Variants in ARID1B observed in about 807,000 individuals in gnomAD.
The protein encoded by ARID1B is AT-rich interactive domain-containing protein 1B.
A neutral mutation model predicts 212.3 loss-of-function variants in ARID1B; 30 were observed. The ratio of observed to expected loss-of-function variants is 0.14; its 90% confidence interval spans 0.11 to 0.19. The LOEUF is 0.19. ARID1B is among the 10% of genes least tolerant of loss of function. ARID1B has a pLI of 1.00. For synonymous variants in ARID1B, 1,402 were observed against 1,301.7 expected (o/e 1.08, Z -1.66); for missense variants, 2,891 against 3,204.0 (o/e 0.90, Z 2.36).
intron 2 of ARID1B, among the ~76,000 whole-genome samples, chr6:156,855,972 T>C (rs990432100): frequency 2.0e-5 from 3 of 152,224 alleles, no homozygotes; most frequent in Non-Finnish European, 4.4e-5. Context: ...AATGTGGTTA[T>C]GTAGCCTACA....
intron 5 of ARID1B, among the ~76,000 whole-genome samples, chr6:157,085,211 A>C (rs954287124): frequency 2.0e-5 from 3 of 152,244 alleles, no homozygotes; most frequent in Admixed American, 6.5e-5. Context: ...ATTCTGTTAC[A>C]TCAGAGCTTC....
intron 5 of ARID1B, among the ~76,000 whole-genome samples, chr6:157,106,782 G>A (rs1353771795): frequency 6.6e-6 from 1 of 152,194 alleles, no homozygotes; most frequent in Admixed American, 6.5e-5. Flanking sequence ...GGGTGTGTCT[G>A]CCACAGTGAG....
intron 9 of ARID1B, chr6:157,173,039 C>G (rs913795986): frequency 6.6e-6 from 1 of 152,252 alleles, no homozygotes; most frequent in Non-Finnish European, 1.5e-5. Context: ...GTGCCTCACT[C>G]GCAGCCCCTG....
Position 156,778,909 on chromosome 6 carries a change from G to A in ARID1B, c.1229G>A (p.Gly410Glu). The A allele has an allele frequency of 7.4e-7, 1 of 1,352,970 alleles. No homozygotes were observed. The highest frequency in any genetic ancestry group is 9.5e-7 in the Non-Finnish European group (1 of 1,057,038). The allele number at this position is 1,352,970 out of a possible 1,614,324, so 83.8% of individuals were successfully genotyped here. ...GGCAGCGGAGGAGGAGGAGGAGGAG[G>A]AGGAGCAGGAGCAGGAGGAGCAGGA... is the stretch of plus-strand genomic sequence containing the variant. The part of the protein sequence containing the change: ...GGGSGGGGGG[G>E]GAGAGGAGAG... Residue 410 changes from glycine to glutamate, a missense_variant, in exon 1 of 20, where the codon GGA becomes GAA. By Grantham distance (98) the Gly-to-Glu change is moderately conservative. Transcript: ENST00000636930.
intron 4 of ARID1B, among the ~76,000 whole-genome samples, chr6:157,034,593 A>G (rs1470435830): frequency 2.0e-5 from 3 of 152,250 alleles, no homozygotes; most frequent in Non-Finnish European, 4.4e-5. Context: ...TCGGCCGGTA[A>G]GTTTAATGAC....
chr6:157,203,950 T>C lies in ARID1B; in HGVS notation c.5348T>C (p.Ile1783Thr). 2 of 1,614,192 alleles carry C rather than the reference T, an allele frequency of 1.2e-6. No homozygotes were observed. The highest frequency in any genetic ancestry group is 1.7e-6 in the Non-Finnish European group (2 of 1,180,012). ...ESTWALDTINILLYDDSTVAT... is the reference protein window; with the variant it reads ...ESTWALDTINTLLYDDSTVAT... Reference sequence around the variant, plus strand: ...ACGTGGGCTTTGGACACTATTAATATTCTTCTGTATGATGACAGCACTGTT... The same window carrying C: ...ACGTGGGCTTTGGACACTATTAATACTCTTCTGTATGATGACAGCACTGTT... Residue 1783 changes from isoleucine (I) to threonine (T), a missense_variant, in exon 19 of 20, where the codon ATT (isoleucine) becomes ACT (threonine). Physicochemically the swap from Ile to Thr is moderately conservative, Grantham distance 89 (BLOSUM62 -1). Coordinates refer to ENST00000636930, the MANE Select transcript of ARID1B (RefSeq NM_001374828.1). This position sits in a 1 kb window ranked among gnomAD's most constrained non-coding sequence, Gnocchi z 4.4.
rs2128338654 is a variant in ARID1B, at chr6:157,189,635, C to T, written c.3920-7C>T. On this transcript the variant is annotated splice_region_variant and splice_polypyrimidine_tract_variant and intron_variant, in intron 13 of 19. Transcript: ENST00000636930. ...CTTCCTGTTTCTCTTGGTGCTGCTA[C>T]TATCAGCTAACTCGGGATCCTTGCA... 6.3e-7 allele frequency: 1 copy of T among 1,598,702 alleles called. No homozygotes were observed. Among genetic ancestry groups the T allele is most frequent in the Non-Finnish European group, 8.5e-7 (1 of 1,176,572 alleles).
intron 5 of ARID1B, among the ~76,000 whole-genome samples, chr6:157,086,548 T>G (rs944091018): frequency 1.6e-4 from 24 of 152,224 alleles, no homozygotes; most frequent in African/African-American, 5.3e-4. Flanking sequence ...AAAACCTAAA[T>G]GAAAACTTTC....
intron 3 of ARID1B, among the ~76,000 whole-genome samples, chr6:156,931,124 T>G (rs201842144): frequency 7.1e-6 from 1 of 141,474 alleles, no homozygotes; most frequent in Non-Finnish European, 1.5e-5. Flanking sequence ...CGGGAGGCAG[T>G]GCTTGCAGGG....
At chr6:157,154,323 G>C (rs1790400400) in intron 8 of ARID1B, among the ~76,000 whole-genome samples, 2 of 152,158 alleles carry the variant, frequency 1.3e-5, no homozygotes, top group Admixed American at 6.5e-5. Context: ...ACTTGAGATT[G>C]TGTCAAAATT....
chr6:156,821,567 G>A (rs1011462610), intron 1 of ARID1B, among the ~76,000 whole-genome samples: 1 of 152,224 alleles, frequency 6.6e-6, no homozygotes, highest in East Asian at 1.9e-4. Context: ...ATCACTTACG[G>A]ACCCGTCAGG....
At chr6:156,819,667 T>A (rs1219014725) in intron 1 of ARID1B, among the ~76,000 whole-genome samples, 1 of 152,212 alleles carries the variant, frequency 6.6e-6, no homozygotes, top group Non-Finnish European at 1.5e-5. Context: ...TACTTGTTTT[T>A]CTCCTCTTCC....
chr6:157,132,865 G>C (rs1190103991), intron 6 of ARID1B, among the ~76,000 whole-genome samples, 163 bp from the exon 7 acceptor site: 1 of 152,192 alleles, frequency 6.6e-6, no homozygotes, highest in Non-Finnish European at 1.5e-5. Context: ...GCACCCTCCA[G>C]ACCGTCCACG....
At chr6:157,131,272 C>T (rs1788529014) in intron 6 of ARID1B, among the ~76,000 whole-genome samples, 1 of 152,164 alleles carries the variant, frequency 6.6e-6, no homozygotes, top group African/African-American at 2.4e-5. Flanking sequence ...GATTCTTGCC[C>T]TCATGGAGCT....
At chr6:156,944,990 T>C (rs1792967341) in intron 4 of ARID1B, among the ~76,000 whole-genome samples, 1 of 150,094 alleles carries the variant, frequency 6.7e-6, no homozygotes, top group Non-Finnish European at 1.5e-5. Flanking sequence ...TGGCTCGATC[T>C]CGGCTCACTG....
At position 157,206,889 on chromosome 6, in the gene ARID1B, C is replaced by T. The variant is rs1260110274; in HGVS notation, c.6117C>T (p.Ile2039=). 1 of 1,614,060 alleles carries T rather than the reference C, an allele frequency of 6.2e-7. No homozygotes were observed. The highest frequency in any genetic ancestry group is 8.5e-7 in the Non-Finnish European group (1 of 1,180,050). Residue 2039 remains isoleucine, a synonymous_variant, in exon 20 of 20, where the codon ATC becomes ATT. Coordinates refer to ENST00000636930, the MANE Select transcript of ARID1B (RefSeq NM_001374828.1). The surrounding 1 kb of genome is among the most constrained non-coding windows in gnomAD (Gnocchi z 6.8). The part of the protein sequence containing the change: ...GIQQAKSHRN[I]KLLEDEPRSR... ...AGCAAGCCAAAAGTCACCGGAACAT[C>T]AAGCTGCTGGAGGACGAGCCCAGGA...
chr6:157,058,023 C>CT (rs1783077735), intron 4 of ARID1B, among the ~76,000 whole-genome samples: 1 of 152,108 alleles, frequency 6.6e-6, no homozygotes, highest in Non-Finnish European at 1.5e-5. Flanking sequence ...ACTCATGTGA[C>CT]TACAAGATGA....
At chr6:157,004,890 CTTTTTTCTTTTTTTTTTTTTTTT>C (rs1278375798) in intron 4 of ARID1B, among the ~76,000 whole-genome samples, 2,853 of 35,690 alleles carry the variant, frequency 0.08, 153 homozygotes, top group African/African-American at 0.18. Flanking sequence ...TTTTCTTCTT[CTTTTTTCTTTTTTTTTTTTTTTT>C]TTTTTTTTTT....
At chr6:156,900,109 A>G (rs1788796709) in intron 2 of ARID1B, among the ~76,000 whole-genome samples, 1 of 152,194 alleles carries the variant, frequency 6.6e-6, no homozygotes, top group South Asian at 2.1e-4. Context: ...AAAAAATTCA[A>G]CTGTGCTGTT....
Sources: gnomAD v4.1 joint callset for allele counts (sites outside exome capture counted in the v4.1 genomes callset) on GRCh38, gnomAD v4.1.1 for gene constraint, Gnocchi (gnomAD v3.1) non-coding constraint, MANE v1.5 for transcripts, NCBI Gene and HGNC (gene_info 2026-07-23, HGNC 2026-07-21) for gene names.